Variants in MARCHF10 observed in about 807,000 individuals in gnomAD.
MARCHF10 encodes probable E3 ubiquitin-protein ligase MARCHF10.
In MARCHF10, 64 loss-of-function variants were observed where a neutral mutation model predicts 76.2. That is an observed-to-expected ratio of 0.84 (90% CI 0.69 to 1.03). The LOEUF is 1.03. MARCHF10 is among the 50% of genes least tolerant of loss of function. The pLI, the probability that MARCHF10 is intolerant of heterozygous loss-of-function variation, is 0.00. For synonymous variants in MARCHF10, 340 were observed against 357.5 expected (o/e 0.95, Z 0.55); for missense variants, 875 against 958.0 (o/e 0.91, Z 1.14).
At chr17:62,758,132 G>A (rs542271569) in intron 4 of MARCHF10, among the ~76,000 whole-genome samples, 1 of 152,322 alleles carries the variant, frequency 6.6e-6, no homozygotes, top group East Asian at 1.9e-4. Context: ...CAGGTGCGGT[G>A]GCTCACGCCT....
intron 1 of MARCHF10, among the ~76,000 whole-genome samples, chr17:62,802,092 A>G (rs2093083976): frequency 6.6e-6 from 1 of 152,350 alleles, no homozygotes; most frequent in African/African-American, 2.4e-5. Context: ...AGCAGTGACC[A>G]AAGTTACAGG....
intron 6 of MARCHF10, among the ~76,000 whole-genome samples, chr17:62,725,419 A>G (rs954830039): frequency 6.6e-6 from 1 of 152,164 alleles, no homozygotes; most frequent in African/African-American, 2.4e-5. Context: ...GCATGCCACC[A>G]CACCTGGCTA....
rs2091630806 is a variant in MARCHF10 at position 62,744,448 on chromosome 17, G to C, written c.463C>G (p.Pro155Ala). The C allele has an allele frequency of 1.9e-6, 3 of 1,614,170 alleles. No homozygotes were observed. Among genetic ancestry groups the C allele is most frequent in the Middle Eastern group, 1.6e-4 (1 of 6,062 alleles). Residue 155 changes from proline to alanine, a missense_variant, in exon 5 of 11, where the codon CCG becomes GCG. Coordinates refer to ENST00000311269, the MANE Select transcript of MARCHF10 (RefSeq NM_152598.4). The stretch of plus-strand genomic sequence containing the variant: ...CTGCTTCTGTCCCCAGATGCTCTCG[G>C]GCTGTGCGATTCTGGGCTGACTGTA... ...RFTVSPESHSPRASGDRSRQK... is the reference protein window; with the variant it reads ...RFTVSPESHSARASGDRSRQK...
At chr17:62,741,648 T>C (rs1320343844) in intron 5 of MARCHF10, among the ~76,000 whole-genome samples, 1 of 152,218 alleles carries the variant, frequency 6.6e-6, no homozygotes, top group East Asian at 1.9e-4. Flanking sequence ...ATGACCTATA[T>C]TGTCTCCAGA....
intron 2 of MARCHF10, among the ~76,000 whole-genome samples, chr17:62,792,063 C>A (rs2092853222): frequency 6.6e-6 from 1 of 152,026 alleles, no homozygotes; most frequent in South Asian, 2.1e-4. Flanking sequence ...CTTCAGGTAA[C>A]TTTTTATTTC....
chr17:62,804,020 G>A (rs116200875), intron 1 of MARCHF10, among the ~76,000 whole-genome samples: 197 of 152,218 alleles, frequency 1.3e-3, no homozygotes, highest in African/African-American at 4.4e-3. Context: ...ATGTGAACCC[G>A]GAGACTCGCT....
intron 6 of MARCHF10, among the ~76,000 whole-genome samples, chr17:62,726,754 G>A (rs936811929): frequency 9.2e-5 from 14 of 152,184 alleles, no homozygotes; most frequent in African/African-American, 3.4e-4. Flanking sequence ...TCAGCCTCCC[G>A]AGTAGCTGGG....
At chr17:62,733,811 GC>G (rs2091140078) in intron 6 of MARCHF10, among the ~76,000 whole-genome samples, 1 of 152,204 alleles carries the variant, frequency 6.6e-6, no homozygotes, top group African/African-American at 2.4e-5. Context: ...AGAGGAAAAA[GC>G]AAGTCACAGA....
At position 62,798,053 on chromosome 17, in the gene MARCHF10, G is replaced by A. The variant is rs556606653; in HGVS notation, c.90+3593C>T. On this transcript the variant is annotated intron_variant, in intron 2 of 10. Transcript: ENST00000311269. ...GACATATTTGATTTCAGCTGCCTGT[G>A]TGACATCCAGGTAGACATAGCCAAC... Among the ~76,000 whole-genome samples the A allele has an allele frequency of 2.6e-5, 4 of 152,316 alleles. No homozygotes were observed. In the South Asian group the frequency reaches 8.3e-4, roughly 32 times the overall value.
At chr17:62,782,566 T>G (rs2092678504) in intron 3 of MARCHF10, among the ~76,000 whole-genome samples, 4 of 152,036 alleles carry the variant, frequency 2.6e-5, no homozygotes, top group Admixed American at 2.6e-4. Flanking sequence ...CAGGCTGGTC[T>G]TGAATTCCTG....
At position 62,773,501 on chromosome 17, in the gene MARCHF10, A is replaced by C. The variant is rs147867621; in HGVS notation, c.211-13495T>G. ...ACTTTGGCTGTGAAGGGGAAGAAAT[A>C]AGTGGAGGGGGATGTGGGATAAGGA... On this transcript the variant is annotated intron_variant, in intron 3 of 10. Transcript: ENST00000311269. 5.6e-4 allele frequency among the ~76,000 whole-genome samples: 85 copies of C among 152,292 alleles called. 1 individual carries two copies. Among genetic ancestry groups the C allele is most frequent in the African/African-American group, 2.0e-3 (82 of 41,556 alleles).
chr17:62,803,626 TCTC>T (rs1443701239), intron 1 of MARCHF10, among the ~76,000 whole-genome samples: 1 of 152,090 alleles, frequency 6.6e-6, no homozygotes, highest in African/African-American at 2.4e-5. Flanking sequence ...TTCCAGCTAT[TCTC>T]CTGCTTCAGC....
chr17:62,805,710 G>A (rs1475057492), intron 1 of MARCHF10, among the ~76,000 whole-genome samples: 2 of 152,046 alleles, frequency 1.3e-5, no homozygotes, highest in African/African-American at 4.8e-5. Flanking sequence ...TCAGGAGTTC[G>A]AGATCGGCCT....
chr17:62,720,615 C>T (rs915595950), intron 8 of MARCHF10, among the ~76,000 whole-genome samples: 3 of 152,182 alleles, frequency 2.0e-5, no homozygotes, highest in Admixed American at 6.5e-5. Context: ...TTTCCCCCTC[C>T]CCCTGCTGGA....
chr17:62,801,091 TTTA>T (rs1489596842), intron 2 of MARCHF10, among the ~76,000 whole-genome samples: 1 of 86,334 alleles, frequency 1.2e-5, no homozygotes, highest in Non-Finnish European at 2.4e-5. Context: ...TTTTACAGTG[TTTA>T]TTTCATTTCA....
chr17:62,705,789 G>C (rs374348038), intron 9 of MARCHF10, among the ~76,000 whole-genome samples: 1 of 152,216 alleles, frequency 6.6e-6, no homozygotes, highest in East Asian at 1.9e-4. Context: ...GCCATAACCT[G>C]GGTCACCTTT....
At chr17:62,788,675 G>A in intron 2 of MARCHF10, 76 bp from the exon 3 acceptor site, 1 of 1,580,590 alleles carries the variant, frequency 6.3e-7, no homozygotes, top group Admixed American at 1.7e-5. Context: ...AACTCCAATG[G>A]TGAGGAGCAT....
intron 2 of MARCHF10, among the ~76,000 whole-genome samples, chr17:62,799,522 C>T (rs1199212774): frequency 1.3e-5 from 2 of 152,258 alleles, no homozygotes; most frequent in Non-Finnish European, 2.9e-5. Flanking sequence ...CCGAGGCGGG[C>T]AGATCACCTG....
chr17:62,732,079 TAAATA>T (rs1179025930), intron 6 of MARCHF10, among the ~76,000 whole-genome samples: 1 of 152,156 alleles, frequency 6.6e-6, no homozygotes, highest in South Asian at 2.1e-4. Flanking sequence ...AGGGATAAAT[TAAATA>T]AATGACTTTT....
Sources: allele counts gnomAD v4.1 joint callset (sites outside exome capture counted in the v4.1 genomes callset), GRCh38; gene constraint gnomAD v4.1.1; transcripts MANE v1.5; gene names NCBI Gene and HGNC (gene_info 2026-07-23, HGNC 2026-07-21).